CNBD1: variants seen among roughly 807,000 people sequenced by gnomAD.
The protein encoded by CNBD1 is cyclic nucleotide-binding domain-containing protein 1.
In CNBD1, 71 loss-of-function variants were observed where a neutral mutation model predicts 54.4. The observed-to-expected ratio is 1.30, with a 90% CI of 1.08 to 1.59. The LOEUF (loss-of-function observed/expected upper bound fraction) is 1.59, where lower values mean the gene tolerates loss of function less well. Among genes scored for constraint, CNBD1 ranks in the 40% most tolerant of loss-of-function variants. CNBD1 has a pLI of 0.00. For missense variants in CNBD1, 659 were observed against 518.0 expected (o/e 1.27, Z -2.64); for synonymous variants, 182 against 170.7 (o/e 1.07, Z -0.51).
chr8:86,970,459 T>C (rs747155703), intron 4 of CNBD1, among the ~76,000 whole-genome samples: 1 of 151,866 alleles, frequency 6.6e-6, no homozygotes, highest in Non-Finnish European at 1.5e-5. Context: ...AGTTCTTTTT[T>C]TCAATTTTTA....
intron 4 of CNBD1, among the ~76,000 whole-genome samples, chr8:87,201,164 G>GA (rs1383671132): frequency 6.6e-6 from 1 of 151,856 alleles, no homozygotes; most frequent in Non-Finnish European, 1.5e-5. Context: ...TTATAAATAT[G>GA]AAAAAACTGA....
chr8:87,330,675 C>T (rs1355170708), intron 8 of CNBD1, among the ~76,000 whole-genome samples: 1 of 152,056 alleles, frequency 6.6e-6, no homozygotes, highest in African/African-American at 2.4e-5. Flanking sequence ...TTTTCTTTCA[C>T]ATTTTTAAGG....
At chr8:87,036,725 C>T (rs953827384) in intron 4 of CNBD1, among the ~76,000 whole-genome samples, 4 of 148,614 alleles carry the variant, frequency 2.7e-5, no homozygotes, top group African/African-American at 9.9e-5. Flanking sequence ...GTTTCTATAT[C>T]TGTCATTGAT....
chr8:87,003,577 C>G (rs2130548602), intron 4 of CNBD1, among the ~76,000 whole-genome samples: 1 of 152,216 alleles, frequency 6.6e-6, no homozygotes, highest in South Asian at 2.1e-4. Flanking sequence ...AATAGAAAAG[C>G]AGAAACCACT....
At chr8:87,342,597 G>A (rs1563561288) in intron 8 of CNBD1, among the ~76,000 whole-genome samples, 1 of 152,132 alleles carries the variant, frequency 6.6e-6, no homozygotes, top group Non-Finnish European at 1.5e-5. Flanking sequence ...CAGCCAGTCT[G>A]AGAAATAAAG....
chr8:87,327,402 C>A (rs1563554085), intron 8 of CNBD1, among the ~76,000 whole-genome samples: 2 of 151,940 alleles, frequency 1.3e-5, no homozygotes, highest in Non-Finnish European at 2.9e-5. Context: ...CCTCCCCCAC[C>A]CTCGCTGCTG....
intron 4 of CNBD1, among the ~76,000 whole-genome samples, chr8:87,129,472 T>A (rs2130724740): frequency 6.6e-6 from 1 of 152,316 alleles, no homozygotes; most frequent in East Asian, 1.9e-4. Context: ...TACTCAGTTG[T>A]CTCATTTGTT....
chr8:86,934,034 G>A (rs1321838213), intron 3 of CNBD1, among the ~76,000 whole-genome samples: 4 of 152,052 alleles, frequency 2.6e-5, no homozygotes, highest in Non-Finnish European at 5.9e-5. Flanking sequence ...CAAAAATTTA[G>A]TATCTATAGA....
chr8:87,232,993 CT>C (rs1390670349), intron 5 of CNBD1, among the ~76,000 whole-genome samples: 1 of 152,022 alleles, frequency 6.6e-6, no homozygotes, highest in East Asian at 1.9e-4. Context: ...TAAAATTTCA[CT>C]AATTTAAATT....
chr8:87,047,345 A>G (rs1275910648), intron 4 of CNBD1, among the ~76,000 whole-genome samples: 1 of 152,154 alleles, frequency 6.6e-6, no homozygotes, highest in Non-Finnish European at 1.5e-5. Flanking sequence ...TATCAAAGGG[A>G]ACCCCAGGAC....
intron 8 of CNBD1, 94 bp from the exon 9 acceptor site, chr8:87,351,591 T>C (rs1810293578): frequency 5.3e-6 from 6 of 1,140,346 alleles, no homozygotes; most frequent in Non-Finnish European, 7.1e-6. Context: ...TTAATAGTTA[T>C]TGAATTAAAT....
intron 4 of CNBD1, among the ~76,000 whole-genome samples, chr8:86,962,726 C>G (rs1807962648): frequency 6.6e-6 from 1 of 151,778 alleles, no homozygotes; most frequent in African/African-American, 2.4e-5. Flanking sequence ...GAAGAGCTTG[C>G]AGTGAGCTGA....
Position 87,310,765 on chromosome 8 carries a change from G to A in CNBD1, c.1042+24094G>A, listed in dbSNP as rs1418737486. 3.3e-5 allele frequency among the ~76,000 whole-genome samples: 5 copies of A among 152,152 alleles called. No individual in the cohort carries two copies. The East Asian group carries it at 9.7e-4, about 29-fold the overall frequency. Reference sequence around the variant, plus strand: ...AAGGCTACAGTAACCAAAACAGCATGGAACTGTACAAAACAGACACATGGA... The same window carrying A: ...AAGGCTACAGTAACCAAAACAGCATAGAACTGTACAAAACAGACACATGGA... On this transcript the variant is annotated intron_variant, in intron 8 of 10. Coordinates refer to ENST00000518476, the MANE Select transcript of CNBD1 (RefSeq NM_173538.3).
chr8:87,374,907 A>G (rs573654515), intron 10 of CNBD1, among the ~76,000 whole-genome samples: 80 of 152,062 alleles, frequency 5.3e-4, no homozygotes, highest in African/African-American at 1.8e-3. Context: ...AGTTTGTTAT[A>G]GCAACTACCA....
intron 4 of CNBD1, among the ~76,000 whole-genome samples, chr8:87,014,705 T>C (rs568651766): frequency 6.6e-6 from 1 of 152,068 alleles, no homozygotes; most frequent in East Asian, 1.9e-4. Flanking sequence ...AATTTAAAAA[T>C]TATAGGAATA....
intron 5 of CNBD1, among the ~76,000 whole-genome samples, chr8:87,224,345 A>G (rs1333278259): frequency 6.6e-6 from 1 of 150,950 alleles, no homozygotes; most frequent in Non-Finnish European, 1.5e-5. Flanking sequence ...GGTAATGCCT[A>G]GGTTTTCTTC....
At chr8:87,358,586 G>T (rs181271177) in intron 10 of CNBD1, among the ~76,000 whole-genome samples, 1 of 151,982 alleles carries the variant, frequency 6.6e-6, no homozygotes, top group South Asian at 2.1e-4. Context: ...GAACCAATAG[G>T]ATATATATAA....
chr8:86,901,974 C>A (rs943351884), intron 2 of CNBD1, among the ~76,000 whole-genome samples: 2 of 152,120 alleles, frequency 1.3e-5, no homozygotes, highest in Non-Finnish European at 2.9e-5. Flanking sequence ...GACCCTTAAT[C>A]TTAGAGCAAG....
chr8:87,423,798 G>A (rs1807990031), intron 2 of CNBD1, among the ~76,000 whole-genome samples: 1 of 152,074 alleles, frequency 6.6e-6, no homozygotes, highest in Admixed American at 6.5e-5. Flanking sequence ...CATAAAATGA[G>A]TTAGGGAGGA....
Sources: gnomAD v4.1 joint callset for allele counts (sites outside exome capture counted in the v4.1 genomes callset) on GRCh38, gnomAD v4.1.1 for gene constraint, MANE v1.5 for transcripts, NCBI Gene and HGNC (gene_info 2026-07-23, HGNC 2026-07-21) for gene names.